The following CEP126 variants were observed in gnomAD, a reference collection of about 807,000 sequenced individuals.
CEP126 encodes centrosomal protein of 126 kDa.
CEP126 carries 74 observed loss-of-function variants against 107.8 expected under a neutral mutation model. The observed-to-expected ratio is 0.69, with a 90% CI of 0.57 to 0.83. The LOEUF (loss-of-function observed/expected upper bound fraction) is 0.83, where lower values mean the gene tolerates loss of function less well. CEP126 is among the 40% of genes least tolerant of loss of function. The pLI is 0.00. For missense variants in CEP126, 1,237 were observed against 1,281.9 expected (o/e 0.96, Z 0.53); for synonymous variants, 449 against 446.0 (o/e 1.01, Z -0.08).
chr11:101,945,093 A>T (rs1940717524), intron 3 of CEP126, among the ~76,000 whole-genome samples: 1 of 152,206 alleles, frequency 6.6e-6, no homozygotes, highest in Admixed American at 6.5e-5. Flanking sequence ...TTTGGAGATG[A>T]GAGTGGTATA....
At position 101,997,761 on chromosome 11, in the gene CEP126, TC is replaced by T; in HGVS notation, c.*120del. 7.1e-7 allele frequency: 1 copy of T among 1,415,532 alleles called. No individual in the cohort carries two copies. Among genetic ancestry groups the T allele is most frequent in the Non-Finnish European group, 9.7e-7 (1 of 1,026,522 alleles). The allele number at this position is 1,415,532 out of a possible 1,614,324, so 87.7% of individuals were successfully genotyped here. The stretch of plus-strand genomic sequence containing the variant: ...GAGCAACAACCCCCATGAACATTTG[TC>T]CTAACTCAGATTTTGTGAGCAGTGA... On this transcript the variant is annotated 3_prime_UTR_variant, in exon 11 of 11. Coordinates refer to ENST00000263468, the MANE Select transcript of CEP126 (RefSeq NM_020802.4).
Position 101,958,193 on chromosome 11 carries a change from G to A in CEP126, c.532G>A (p.Ala178Thr), listed in dbSNP as rs11225086. ...WRAIDSALPS[A>T]LSKNDHKHQK... ...AGCTATAGATTCTGCCTTGCCTTCC[G>A]CATTATCAAAAAATGATCACAAGCA... Residue 178 changes from alanine to threonine, a missense_variant, in exon 5 of 11, where the codon GCA (alanine) becomes ACA (threonine). Coordinates refer to ENST00000263468, the MANE Select transcript of CEP126 (RefSeq NM_020802.4). 5.7e-4 allele frequency: 918 copies of A among 1,613,628 alleles called. 8 individuals carry two copies. In the East Asian group the frequency reaches 0.018, roughly 31 times the overall value.
Position 101,922,527 on chromosome 11 carries a change from A to C in CEP126, c.129-114A>C, listed in dbSNP as rs887086324. On this transcript the variant is annotated intron_variant, in intron 1 of 10. Coordinates refer to ENST00000263468, the MANE Select transcript of CEP126 (RefSeq NM_020802.4). ...AATGTGGGCACATACTAATTATTCC[A>C]CAAAAACTATCATTACATCATTTGC... 3 of 856,924 alleles carry C rather than the reference A, an allele frequency of 3.5e-6. No homozygotes were observed. In the South Asian group the frequency reaches 5.1e-5, roughly 14 times the overall value. The allele number at this position is 856,924 out of a possible 1,614,324, so 53.1% of individuals were successfully genotyped here. A position where few individuals can be genotyped will look rare whatever the true frequency, so the allele number is the denominator to read the frequency against.
chr11:101,992,946 G>T, intron 10 of CEP126, 104 bp downstream of exon 10: 1 of 1,164,026 alleles, frequency 8.6e-7, no homozygotes, highest in South Asian at 3.6e-5. Flanking sequence ...ATATTTCTTG[G>T]GATTGGTTTA....
intron 1 of CEP126, among the ~76,000 whole-genome samples, chr11:101,919,729 G>A (rs1940293669): frequency 6.6e-6 from 1 of 152,144 alleles, no homozygotes; most frequent in Admixed American, 6.5e-5. Flanking sequence ...ATAGTTGTCA[G>A]AACATTACAA....
At chr11:101,927,485 T>C (rs1488156901) in intron 2 of CEP126, among the ~76,000 whole-genome samples, 1 of 152,128 alleles carries the variant, frequency 6.6e-6, no homozygotes, top group Non-Finnish European at 1.5e-5. Context: ...AATAATATGT[T>C]TACAGTCAAG....
chr11:101,963,948 C>A, intron 6 of CEP126, 68 bp downstream of exon 6: 1 of 1,054,558 alleles, frequency 9.5e-7, no homozygotes, highest in Non-Finnish European at 1.4e-6. Context: ...TGAAATTGTT[C>A]CTATTTATGT....
chr11:101,985,988 A>AT (rs773628925), intron 8 of CEP126, among the ~76,000 whole-genome samples: 2,457 of 126,296 alleles, frequency 0.019, 122 homozygotes, highest in Admixed American at 0.073. Context: ...CTCTGAATTG[A>AT]TTTCTTTTTT....
chr11:101,931,151 G>T (rs1188913847), intron 2 of CEP126, among the ~76,000 whole-genome samples: 1 of 152,122 alleles, frequency 6.6e-6, no homozygotes, highest in Non-Finnish European at 1.5e-5. Context: ...TTGAGCTTTA[G>T]TTAATTGATA....
Position 101,919,697 on chromosome 11 carries a change from A to C in CEP126, c.129-2944A>C, listed in dbSNP as rs139356117. Among the ~76,000 whole-genome samples the C allele has an allele frequency of 2.7e-3, 408 of 152,350 alleles. 2 individuals are homozygous for C. Among genetic ancestry groups the C allele is most frequent in the African/African-American group, 9.4e-3 (391 of 41,580 alleles). On this transcript the variant is annotated intron_variant, in intron 1 of 10. Transcript: ENST00000263468. ...TTATATATAAAGAAAGTAGAAAATC[A>C]TTTGGTTAAATTGAAGACTATATAG...
intron 4 of CEP126, among the ~76,000 whole-genome samples, chr11:101,950,457 A>G (rs773632464): frequency 1.3e-5 from 2 of 152,224 alleles, no homozygotes; most frequent in Non-Finnish European, 2.9e-5. Flanking sequence ...ACTGATTAGC[A>G]TGGGTTACAC....
intron 5 of CEP126, 54 bp downstream of exon 5, chr11:101,958,420 T>C: frequency 6.6e-7 from 1 of 1,504,224 alleles, no homozygotes; most frequent in Non-Finnish European, 9.2e-7. Flanking sequence ...CTAATTTTGC[T>C]CCACTTTTGC....
In CEP126 at chr11:102,000,974, A is replaced by G. The variant is rs1941501633; in HGVS notation, c.*3331A>G. ...TATAAATATACACACACTTACATGT[A>G]TGTATTTTGATAGATATTACATGGA... is the stretch of plus-strand genomic sequence containing the variant. On this transcript the variant is annotated 3_prime_UTR_variant, in exon 11 of 11. Transcript: ENST00000263468. 1 of 152,212 alleles carries G rather than the reference A, an allele frequency of 6.6e-6. No homozygotes were observed. Among genetic ancestry groups the G allele is most frequent in the South Asian group, 2.1e-4 (1 of 4,830 alleles). The allele number at this position is 152,212 out of a possible 1,614,324, so 9.4% of individuals were successfully genotyped here. A position where few individuals can be genotyped will look rare whatever the true frequency, so the allele number is the denominator to read the frequency against.
In CEP126 at chr11:101,918,923, C is replaced by T. The variant is rs144110757; in HGVS notation, c.128+3511C>T. ...GCCAAGAGATAATGGTATGATACATCACGGGTTGTTCTGTTTATAATTATC... is the reference window on the plus strand; with the variant it reads ...GCCAAGAGATAATGGTATGATACATTACGGGTTGTTCTGTTTATAATTATC... On this transcript the variant is annotated intron_variant, in intron 1 of 10. Coordinates refer to ENST00000263468, the MANE Select transcript of CEP126 (RefSeq NM_020802.4). Among the ~76,000 whole-genome samples, 6 of 152,250 alleles carry T rather than the reference C, an allele frequency of 3.9e-5. No homozygotes were observed. The South Asian group carries it at 6.2e-4, about 16-fold the overall frequency.
In CEP126 at chr11:101,978,432, A is replaced by G. The variant is rs1260985893; in HGVS notation, c.2931A>G (p.Val977=). The change falls in exon 7 of 11, where the codon GTA becomes GTG. Residue 977 remains valine (V), a synonymous_variant. Coordinates refer to ENST00000263468, the MANE Select transcript of CEP126 (RefSeq NM_020802.4). ...AGAAAAGACAAAACCCTGGATCTGT[A>G]GGACAGAAGTACAGTGAGCAAATTA... ...LEQKRQNPGS[V]GQKYSEQINN... is the part of the protein sequence containing the mutation. 6.2e-7 allele frequency: 1 copy of G among 1,610,384 alleles called. No individual in the cohort carries two copies. Among genetic ancestry groups the G allele is most frequent in the Non-Finnish European group, 8.5e-7 (1 of 1,176,776 alleles).
intron 6 of CEP126, among the ~76,000 whole-genome samples, chr11:101,974,098 C>T (rs1440660278): frequency 2.0e-5 from 3 of 151,926 alleles, no homozygotes; most frequent in African/African-American, 7.3e-5. Context: ...TTTTACACTT[C>T]TAAGAAGGCA....
rs7939800 is a variant in CEP126, at chr11:101,979,092, A to G, written c.2958+633A>G. Among the ~76,000 whole-genome samples the G allele has an allele frequency of 8.0e-3, 1,219 of 152,198 alleles. 21 individuals carry two copies. Among genetic ancestry groups the G allele is most frequent in the African/African-American group, 0.028 (1,159 of 41,540 alleles). The stretch of plus-strand genomic sequence containing the variant: ...GGTTACAGTGAGCTGAGGTCGCATC[A>G]TTGCACTCCAGCCTGGGCAACAAGA... On this transcript the variant is annotated intron_variant, in intron 7 of 10. Transcript: ENST00000263468.
At position 101,944,386 on chromosome 11, in the gene CEP126, C is replaced by G; in HGVS notation, c.370C>G (p.Pro124Ala). The G allele has an allele frequency of 6.2e-7, 1 of 1,610,570 alleles. No homozygotes were observed. The highest frequency in any genetic ancestry group is 8.5e-7 in the Non-Finnish European group (1 of 1,178,822). ...VTEKFQRAHV[P>A]LSQRRKAVSR... is the part of the protein sequence containing the mutation. Reference sequence around the variant, plus strand: ...TGAAAAATTCCAGCGTGCCCATGTTCCTCTTTCACAGCGGAGGAAAGCAGG... The same window carrying G: ...TGAAAAATTCCAGCGTGCCCATGTTGCTCTTTCACAGCGGAGGAAAGCAGG... Residue 124 changes from proline to alanine, a missense_variant, in exon 3 of 11, where the codon CCT becomes GCT. By Grantham distance (27) the Pro-to-Ala change is conservative. Coordinates refer to ENST00000263468, the MANE Select transcript of CEP126 (RefSeq NM_020802.4).
Position 101,963,221 on chromosome 11 carries a change from CA to C in CEP126, c.2193del (p.Glu732LysfsTer25), listed in dbSNP as rs755857306. On this transcript the variant is annotated frameshift_variant, in exon 6 of 11. Transcript: ENST00000263468. LOFTEE classifies it high-confidence loss of function. ...TTTGCTAAACATGCCTGGCCAGCCT[CA>C]AAAAAAGAAGAAAGTAAAATCCCTG... ...YNFAKHAWPA[S>X]KKEESKIPVH... 1 of 1,613,516 alleles carries C rather than the reference CA, an allele frequency of 6.2e-7. No individual in the cohort carries two copies. Among genetic ancestry groups the C allele is most frequent in the Non-Finnish European group, 8.5e-7 (1 of 1,179,900 alleles).
Sources: gnomAD v4.1 joint callset for allele counts (sites outside exome capture counted in the v4.1 genomes callset) on GRCh38, gnomAD v4.1.1 for gene constraint, MANE v1.5 for transcripts, NCBI Gene and HGNC (gene_info 2026-07-23, HGNC 2026-07-21) for gene names.